CACNA1C: variants seen among roughly 807,000 people sequenced by gnomAD.
The protein encoded by CACNA1C is calcium voltage-gated channel subunit alpha1 C.
A neutral mutation model predicts 229.0 loss-of-function variants in CACNA1C; 30 were observed. The observed-to-expected ratio is 0.13, with a 90% CI of 0.10 to 0.18. The LOEUF (loss-of-function observed/expected upper bound fraction) is 0.18. Ranked by LOEUF, CACNA1C falls within the 10% of genes least tolerant of loss-of-function variation. The pLI, the probability that CACNA1C is intolerant of heterozygous loss-of-function variation, is 1.00. For missense variants in CACNA1C, 1,658 were observed against 2,845.0 expected (o/e 0.58, Z 9.49); for synonymous variants, 1,114 against 1,132.5 (o/e 0.98, Z 0.33).
intron 3 of CACNA1C, among the ~76,000 whole-genome samples, chr12:2,363,938 G>A (rs1013136632): frequency 3.9e-5 from 6 of 152,204 alleles, no homozygotes; most frequent in East Asian, 3.9e-4. Context: ...CTTACTGGCC[G>A]GCCTGCAGGC....
Position 2,630,102 on chromosome 12 carries a change from C to T in CACNA1C, c.3829-4195C>T, listed in dbSNP as rs2089637702. ...CCCTGCGTGGCTCTGAGGAGCTGGA[C>T]AGTAGAGGTTTGGTTTGCCACTTCA... On this transcript the variant is annotated intron_variant, in intron 29 of 46. Coordinates refer to ENST00000399655, the MANE Select transcript of CACNA1C (RefSeq NM_000719.7). This position sits in a 1 kb window ranked among gnomAD's most constrained non-coding sequence, Gnocchi z 5.4. Among the ~76,000 whole-genome samples, 1 of 152,230 alleles carries T rather than the reference C, an allele frequency of 6.6e-6. No homozygotes were observed. The highest frequency in any genetic ancestry group is 2.4e-5 in the African/African-American group (1 of 41,470).
At chr12:2,435,255 C>T (rs1432761543) in intron 3 of CACNA1C, among the ~76,000 whole-genome samples, 1 of 152,234 alleles carries the variant, frequency 6.6e-6, no homozygotes, top group African/African-American at 2.4e-5. Flanking sequence ...GACCACCAGC[C>T]CCAGCAATCG....
In CACNA1C at chr12:2,584,457, A is replaced by C. The variant is rs368060177; in HGVS notation, c.2225-46A>C. The C allele has an allele frequency of 5.4e-6, 8 of 1,483,552 alleles. No homozygotes were observed. In the African/African-American group the frequency reaches 1.1e-4, roughly 21 times the overall value. The allele number at this position is 1,483,552 out of a possible 1,614,324, so 91.9% of individuals were successfully genotyped here. A position where few individuals can be genotyped will look rare whatever the true frequency, so the allele number is the denominator to read the frequency against. On this transcript the variant is annotated intron_variant, in intron 15 of 46. Coordinates refer to ENST00000399655, the MANE Select transcript of CACNA1C (RefSeq NM_000719.7). ...ATCCCCCGTGCCCCTGTGCCCACCA[A>C]AACCCCAAACCAAGGGTCATTTTCT...
At chr12:2,481,800 C>T (rs2099676798) in intron 5 of CACNA1C, among the ~76,000 whole-genome samples, 1 of 152,242 alleles carries the variant, frequency 6.6e-6, no homozygotes, top group Admixed American at 6.5e-5. Flanking sequence ...GCTAGAAAAA[C>T]AGGCTCATCA....
rs1413696954 is a variant in CACNA1C at position 2,632,076 on chromosome 12, A to T, written c.3829-2221A>T. On this transcript the variant is annotated intron_variant, in intron 29 of 46. Transcript: ENST00000399655. This position sits in a 1 kb window ranked among gnomAD's most constrained non-coding sequence, Gnocchi z 4.1. Reference sequence around the variant, plus strand: ...CTCTCGGAGGACGCTTCATGCTTTCATACCCCACTCCGACCTCAGAATTCC... The same window carrying T: ...CTCTCGGAGGACGCTTCATGCTTTCTTACCCCACTCCGACCTCAGAATTCC... Among the ~76,000 whole-genome samples the T allele has an allele frequency of 6.6e-6, 1 of 152,008 alleles. No homozygotes were observed. Among genetic ancestry groups the T allele is most frequent in the African/African-American group, 2.4e-5 (1 of 41,366 alleles).
intron 1 of CACNA1C, among the ~76,000 whole-genome samples, chr12:1,983,558 A>C (rs1004999161): frequency 2.6e-5 from 4 of 152,008 alleles, no homozygotes; most frequent in African/African-American, 9.7e-5. Flanking sequence ...TTGATGTCTA[A>C]TTTAATTCTA....
intron 13 of CACNA1C, among the ~76,000 whole-genome samples, chr12:2,572,499 C>CT (rs2055956843): frequency 3.3e-5 from 3 of 92,306 alleles, no homozygotes; most frequent in African/African-American, 4.2e-5. Context: ...TCCTCCTCCT[C>CT]TCCTGCTCCT....
At chr12:2,121,364 G>A (rs976801566) in intron 3 of CACNA1C, among the ~76,000 whole-genome samples, 11 of 152,214 alleles carry the variant, frequency 7.2e-5, no homozygotes, top group African/African-American at 2.2e-4. Context: ...CAGCTGCTGG[G>A]CTGATGCCAT....
intron 8 of CACNA1C, among the ~76,000 whole-genome samples, chr12:2,508,095 G>A (rs1018052119): frequency 6.6e-6 from 1 of 152,260 alleles, no homozygotes; most frequent in Non-Finnish European, 1.5e-5. Context: ...GGGACCGGCA[G>A]CCCTGCAGAT....
chr12:2,695,769 A>T lies in CACNA1C; in HGVS notation c.*4570A>T, dbSNP rs1265818850. On this transcript the variant is annotated 3_prime_UTR_variant, in exon 47 of 47. Coordinates refer to ENST00000399655, the MANE Select transcript of CACNA1C (RefSeq NM_000719.7). ...CTTTGTGAAGCCTCTTCTGGGTTTA[A>T]CTTCATTCATCAATTTATTCTTATG... The T allele has an allele frequency of 1.3e-5, 2 of 152,184 alleles. No individual in the cohort carries two copies. Among genetic ancestry groups the T allele is most frequent in the Non-Finnish European group, 2.9e-5 (2 of 68,046 alleles). 9.4% of individuals were successfully genotyped at this position (152,184 alleles called of 1,614,324 possible).
intron 1 of CACNA1C, among the ~76,000 whole-genome samples, chr12:2,000,940 G>C (rs1258077872): frequency 6.6e-6 from 1 of 152,002 alleles, no homozygotes; most frequent in Non-Finnish European, 1.5e-5. Flanking sequence ...TGGAGGCTGA[G>C]GCAGGAGAAT....
chr12:2,555,200 C>T (rs552608862), intron 10 of CACNA1C, among the ~76,000 whole-genome samples: 19 of 152,280 alleles, frequency 1.2e-4, no homozygotes, highest in South Asian at 4.1e-4. Context: ...CCCTTGGAGA[C>T]GAACACTCAG....
intron 3 of CACNA1C, among the ~76,000 whole-genome samples, chr12:2,186,427 C>A (rs1598438590): frequency 6.6e-6 from 1 of 152,236 alleles, no homozygotes; most frequent in East Asian, 1.9e-4. Context: ...GGGCAGGTGG[C>A]CGCTGAGGGG....
intron 32 of CACNA1C, among the ~76,000 whole-genome samples, chr12:2,652,718 C>G (rs1172383749): frequency 6.6e-6 from 1 of 152,240 alleles, no homozygotes; most frequent in African/African-American, 2.4e-5. Flanking sequence ...GAGGGAGCTC[C>G]CAATGGCCAG....
intron 30 of CACNA1C, chr12:2,641,435 A>T (rs530073733): frequency 2.2e-6 from 1 of 456,238 alleles, no homozygotes; most frequent in East Asian, 4.2e-5. Flanking sequence ...GTTCTAGGAC[A>T]CATAGATTAA....
intron 3 of CACNA1C, among the ~76,000 whole-genome samples, chr12:2,326,332 CTT>C (rs1266742135): frequency 3.3e-5 from 5 of 152,192 alleles, no homozygotes; most frequent in Admixed American, 6.5e-5. Flanking sequence ...ATTTTGAAAA[CTT>C]AATGCAAATC....
intron 3 of CACNA1C, among the ~76,000 whole-genome samples, chr12:2,188,089 C>G (rs927284449): frequency 1.4e-4 from 22 of 152,204 alleles, no homozygotes; most frequent in Admixed American, 6.5e-4. Flanking sequence ...AAAGGAACTT[C>G]TTATCAGCAG....
chr12:2,538,411 G>A (rs1232797096), intron 9 of CACNA1C, among the ~76,000 whole-genome samples: 1 of 152,192 alleles, frequency 6.6e-6, no homozygotes, highest in Non-Finnish European at 1.5e-5. Flanking sequence ...TTTCCACCCA[G>A]GCAGGCTGCT....
chr12:2,299,678 T>C (rs143857573), intron 3 of CACNA1C, among the ~76,000 whole-genome samples: 84 of 152,280 alleles, frequency 5.5e-4, no homozygotes, highest in Non-Finnish European at 7.4e-4. Context: ...ATAGTGAAGC[T>C]TCCCAGAAGA....
Sources: allele counts gnomAD v4.1 joint callset (sites outside exome capture counted in the v4.1 genomes callset), GRCh38; gene constraint gnomAD v4.1.1; non-coding constraint Gnocchi (gnomAD v3.1); transcripts MANE v1.5; gene names NCBI Gene and HGNC (gene_info 2026-07-23, HGNC 2026-07-21).